The following SEMA5A variants were observed in gnomAD, a reference collection of about 807,000 sequenced individuals.
The protein encoded by SEMA5A is semaphorin-5A.
A neutral mutation model predicts 135.5 loss-of-function variants in SEMA5A; 55 were observed. The observed-to-expected ratio is 0.41, with a 90% CI of 0.33 to 0.51. The LOEUF (loss-of-function observed/expected upper bound fraction) is 0.51, where lower values mean the gene tolerates loss of function less well. Ranked by LOEUF, SEMA5A falls within the 20% of genes least tolerant of loss-of-function variation. The pLI is 0.37. For synonymous variants in SEMA5A, 580 were observed against 546.5 expected (o/e 1.06, Z -0.85); for missense variants, 1,290 against 1,419.9 (o/e 0.91, Z 1.47).
intron 5 of SEMA5A, among the ~76,000 whole-genome samples, chr5:9,268,155 T>G (rs933847686): frequency 2.6e-5 from 4 of 152,162 alleles, no homozygotes; most frequent in Admixed American, 6.5e-5. Flanking sequence ...ATTGTAGGGC[T>G]TCTTATTTGC....
At chr5:9,246,751 T>C (rs1748501984) in intron 5 of SEMA5A, among the ~76,000 whole-genome samples, 1 of 152,158 alleles carries the variant, frequency 6.6e-6, no homozygotes. Context: ...CATGTTAGCA[T>C]GGGATTCTCT....
intron 1 of SEMA5A, among the ~76,000 whole-genome samples, chr5:9,473,215 A>G (rs1759541612): frequency 6.7e-6 from 1 of 148,790 alleles, no homozygotes; most frequent in African/African-American, 2.4e-5. Context: ...TAAGAAAAAA[A>G]AAAAGAATGA....
intron 16 of SEMA5A, among the ~76,000 whole-genome samples, chr5:9,098,684 C>G (rs1739461491): frequency 6.6e-6 from 1 of 152,160 alleles, no homozygotes; most frequent in Admixed American, 6.5e-5. Flanking sequence ...TCTGTTTGTT[C>G]TGCATGTACT....
intron 1 of SEMA5A, among the ~76,000 whole-genome samples, chr5:9,466,871 C>T (rs1167502530): frequency 1.3e-5 from 2 of 152,178 alleles, no homozygotes; most frequent in African/African-American, 4.8e-5. Flanking sequence ...ATTGCCTTTT[C>T]GGATTGGTGT....
chr5:9,346,301 CT>C (rs1451298777), intron 3 of SEMA5A, among the ~76,000 whole-genome samples: 1 of 152,136 alleles, frequency 6.6e-6, no homozygotes, highest in Non-Finnish European at 1.5e-5. Flanking sequence ...TCCAGCTCCC[CT>C]TCCACTGAGA....
intron 16 of SEMA5A, among the ~76,000 whole-genome samples, chr5:9,090,923 G>A (rs910337110): frequency 1.3e-5 from 2 of 152,212 alleles, no homozygotes; most frequent in Non-Finnish European, 2.9e-5. Flanking sequence ...CCTCCACTGA[G>A]ATATAAATGA....
At chr5:9,117,571 A>AT (rs1471513523) in intron 15 of SEMA5A, among the ~76,000 whole-genome samples, 7 of 152,202 alleles carry the variant, frequency 4.6e-5, no homozygotes, top group Non-Finnish European at 8.8e-5. Flanking sequence ...ATTTTAAATA[A>AT]TTTTTTGCAT....
intron 1 of SEMA5A, among the ~76,000 whole-genome samples, chr5:9,506,338 A>G (rs1476978043): frequency 6.6e-6 from 1 of 152,188 alleles, no homozygotes; most frequent in African/African-American, 2.4e-5. Context: ...ATCTAATAAG[A>G]TATTAAACAG....
intron 2 of SEMA5A, among the ~76,000 whole-genome samples, chr5:9,389,404 G>T (rs1207062256): frequency 3.3e-5 from 5 of 152,082 alleles, no homozygotes. Context: ...CAAAATAGGG[G>T]TATTTACATA....
At chr5:9,495,878 T>C (rs1428433918) in intron 1 of SEMA5A, among the ~76,000 whole-genome samples, 1 of 152,200 alleles carries the variant, frequency 6.6e-6, no homozygotes, top group Non-Finnish European at 1.5e-5. Context: ...GTATTTGTTT[T>C]TACCTGATCG....
chr5:9,055,978 A>G (rs1736868831), intron 18 of SEMA5A, among the ~76,000 whole-genome samples: 1 of 152,116 alleles, frequency 6.6e-6, no homozygotes, highest in African/African-American at 2.4e-5. Flanking sequence ...GCTTGGCATC[A>G]GTGAGTACCC....
At chr5:9,118,851 G>C (rs989423977) in intron 15 of SEMA5A, 147 bp downstream of exon 15, 13 of 1,040,600 alleles carry the variant, frequency 1.2e-5, no homozygotes, top group Non-Finnish European at 1.5e-5. Flanking sequence ...AAGGATGCCA[G>C]GAAAAGAAGA....
At position 9,041,876 on chromosome 5, in the gene SEMA5A, A is replaced by ATGAT. The variant is rs1296190832; in HGVS notation, c.*1017_*1020dup. On this transcript the variant is annotated 3_prime_UTR_variant, in exon 23 of 23. Transcript: ENST00000382496. The stretch of plus-strand genomic sequence containing the variant: ...GTATATCAGAGAGATGAAAAATAAA[A>ATGAT]TGATTATCATTAATATCAGTTCTTT... The ATGAT allele has an allele frequency of 1.3e-5, 2 of 152,660 alleles. No individual in the cohort carries two copies. Among genetic ancestry groups the ATGAT allele is most frequent in the African/African-American group, 2.4e-5 (1 of 41,458 alleles). 9.5% of individuals were successfully genotyped at this position (152,660 alleles called of 1,614,324 possible).
intron 5 of SEMA5A, among the ~76,000 whole-genome samples, chr5:9,267,026 C>T (rs40707): frequency 1 from 152,109 of 152,314 alleles, 75,952 homozygotes; most frequent in Non-Finnish European, 1. Context: ...TCAGTGAAGA[C>T]GTGATATACC....
intron 1 of SEMA5A, among the ~76,000 whole-genome samples, chr5:9,540,299 T>TG (rs1383186511): frequency 6.6e-6 from 1 of 152,016 alleles, no homozygotes; most frequent in Non-Finnish European, 1.5e-5. Context: ...CAAAATGATA[T>TG]GGAGAGAAGG....
chr5:9,187,877 C>A (rs76365518), intron 11 of SEMA5A, among the ~76,000 whole-genome samples: 3 of 152,214 alleles, frequency 2.0e-5, no homozygotes, highest in African/African-American at 7.2e-5. Flanking sequence ...ACTCTCAACA[C>A]GGTGTGGGGG....
At chr5:9,456,893 A>G (rs1235861449) in intron 1 of SEMA5A, among the ~76,000 whole-genome samples, 1 of 152,206 alleles carries the variant, frequency 6.6e-6, no homozygotes, top group African/African-American at 2.4e-5. Flanking sequence ...CAGAGAGATC[A>G]GAAGTACCCT....
At chr5:9,196,242 T>G (rs374704753) in intron 10 of SEMA5A, among the ~76,000 whole-genome samples, 1 of 152,182 alleles carries the variant, frequency 6.6e-6, no homozygotes, top group Admixed American at 6.5e-5. Flanking sequence ...TGGCTGTATA[T>G]GGAGATGGGG....
chr5:9,419,797 G>T (rs575721571), intron 2 of SEMA5A, among the ~76,000 whole-genome samples: 1 of 152,244 alleles, frequency 6.6e-6, no homozygotes, highest in African/African-American at 2.4e-5. Flanking sequence ...ACAAGATATG[G>T]CAAAGCTCAA....
Sources: gnomAD v4.1 joint callset for allele counts (sites outside exome capture counted in the v4.1 genomes callset) on GRCh38, gnomAD v4.1.1 for gene constraint, MANE v1.5 for transcripts, NCBI Gene and HGNC (gene_info 2026-07-23, HGNC 2026-07-21) for gene names.